Variants in GALNTL6 observed in about 807,000 individuals in gnomAD.
The protein encoded by GALNTL6 is polypeptide N-acetylgalactosaminyltransferase-like 6.
Under a neutral mutation model 73.7 loss-of-function variants are expected in GALNTL6, and 46 were observed. The observed-to-expected ratio is 0.62, with a 90% CI of 0.49 to 0.80. The LOEUF (loss-of-function observed/expected upper bound fraction) is 0.80. Among genes scored for constraint, GALNTL6 ranks in the 30% least tolerant of loss-of-function variants. GALNTL6 has a pLI of 0.00. For synonymous variants in GALNTL6, 259 were observed against 263.7 expected, an observed-to-expected ratio of 0.98 and a Z score of 0.17; for missense variants, 604 against 755.0, an observed-to-expected ratio of 0.80 and a Z score of 2.34.
intron 2 of GALNTL6, among the ~76,000 whole-genome samples, chr4:171,889,563 C>T (rs1736702777): frequency 6.6e-6 from 1 of 152,066 alleles, no homozygotes; most frequent in African/African-American, 2.4e-5. Context: ...CTGAAGATTA[C>T]TCAGTTACTT....
chr4:172,996,721 G>A (rs934181496), intron 10 of GALNTL6, among the ~76,000 whole-genome samples: 8 of 152,140 alleles, frequency 5.3e-5, no homozygotes, highest in South Asian at 2.1e-4. Flanking sequence ...CTTGCACTCA[G>A]GCAGAACCAA....
At chr4:172,109,009 T>A (rs1407236022) in intron 2 of GALNTL6, among the ~76,000 whole-genome samples, 2 of 100,960 alleles carry the variant, frequency 2.0e-5, no homozygotes, top group African/African-American at 3.8e-5. Flanking sequence ...TGAGACTCCA[T>A]CTCCAAAAAA....
intron 5 of GALNTL6, among the ~76,000 whole-genome samples, chr4:172,697,603 T>C (rs1733772953): frequency 6.6e-6 from 1 of 152,120 alleles, no homozygotes; most frequent in Non-Finnish European, 1.5e-5. Flanking sequence ...AAGAAAATAA[T>C]GTTCACTGGA....
intron 2 of GALNTL6, among the ~76,000 whole-genome samples, chr4:172,130,122 T>C (rs905770327): frequency 2.0e-5 from 3 of 151,458 alleles, no homozygotes; most frequent in Non-Finnish European, 4.4e-5. Flanking sequence ...CAAGGATCAA[T>C]AGCAAGGTGG....
chr4:172,670,407 A>G (rs1560869425), intron 5 of GALNTL6, among the ~76,000 whole-genome samples: 1 of 152,002 alleles, frequency 6.6e-6, no homozygotes, highest in African/African-American at 2.4e-5. Flanking sequence ...GATCAGTAAT[A>G]TTGAATTTTT....
chr4:172,591,333 C>T (rs1174259722), intron 5 of GALNTL6, among the ~76,000 whole-genome samples: 1 of 152,100 alleles, frequency 6.6e-6, no homozygotes, highest in African/African-American at 2.4e-5. Context: ...ATGGATATTT[C>T]ATACAATCCG....
At chr4:172,766,344 A>T (rs1029220527) in intron 5 of GALNTL6, among the ~76,000 whole-genome samples, 1 of 152,128 alleles carries the variant, frequency 6.6e-6, no homozygotes, top group Non-Finnish European at 1.5e-5. Flanking sequence ...TATTTCACTT[A>T]TTTGAAGTAT....
chr4:172,169,985 T>C (rs1057057173), intron 2 of GALNTL6, among the ~76,000 whole-genome samples: 1 of 152,126 alleles, frequency 6.6e-6, no homozygotes, highest in African/African-American at 2.4e-5. Context: ...AGAGTTGGAG[T>C]TGATAAGTAC....
intron 12 of GALNTL6, among the ~76,000 whole-genome samples, chr4:173,022,045 AG>A (rs1753015668): frequency 9.4e-6 from 1 of 106,618 alleles, no homozygotes; most frequent in Non-Finnish European, 2.1e-5. Context: ...GAAGGAAGGA[AG>A]GAAGGAAGGA....
intron 2 of GALNTL6, among the ~76,000 whole-genome samples, chr4:172,095,371 C>T (rs538744273): frequency 9.2e-5 from 14 of 151,730 alleles, no homozygotes; most frequent in East Asian, 3.9e-4. Flanking sequence ...TGAGTAAGCG[C>T]GTGTACGAAG....
At chr4:171,823,593 A>G (rs1734741020) in intron 2 of GALNTL6, among the ~76,000 whole-genome samples, 1 of 18,488 alleles carries the variant, frequency 5.4e-5, no homozygotes, top group Non-Finnish European at 3.4e-4. Context: ...ACACACACAT[A>G]TATATATATA....
In GALNTL6 at chr4:172,273,062, C is replaced by G. The variant is rs565424623; in HGVS notation, c.248-38552C>G. Among the ~76,000 whole-genome samples, 805 of 152,008 alleles carry G rather than the reference C, an allele frequency of 5.3e-3. 6 individuals carry two copies. The highest frequency in any genetic ancestry group is 0.022 in the South Asian group (105 of 4,820). ...TATTCTTTATTTAAAAAATGAATAA[C>G]ATAGATCCCTCTAAGAAACTGTTTA... On this transcript the variant is annotated intron_variant, in intron 3 of 12. Transcript: ENST00000506823.
At chr4:172,553,322 T>C (rs1736031345) in intron 5 of GALNTL6, among the ~76,000 whole-genome samples, 1 of 152,166 alleles carries the variant, frequency 6.6e-6, no homozygotes, top group Non-Finnish European at 1.5e-5. Flanking sequence ...TTTCTGGACA[T>C]TTCCAGGAAA....
At chr4:172,127,729 T>TTATACAAAC (rs1733341635) in intron 2 of GALNTL6, among the ~76,000 whole-genome samples, 1 of 152,214 alleles carries the variant, frequency 6.6e-6, no homozygotes, top group Non-Finnish European at 1.5e-5. Context: ...TATCGAAGTG[T>TTATACAAAC]TATACAAACA....
intron 7 of GALNTL6, among the ~76,000 whole-genome samples, chr4:172,879,093 A>C (rs893636101): frequency 2.0e-5 from 3 of 151,826 alleles, no homozygotes; most frequent in Non-Finnish European, 3.0e-5. Context: ...CTGAACATTT[A>C]TGCACCTATT....
At chr4:172,769,440 G>A (rs920723519) in intron 5 of GALNTL6, among the ~76,000 whole-genome samples, 2 of 152,144 alleles carry the variant, frequency 1.3e-5, no homozygotes, top group African/African-American at 4.8e-5. Flanking sequence ...ACTGCCACAA[G>A]CATTTAAGCC....
chr4:172,767,873 T>C (rs1340559084), intron 5 of GALNTL6, among the ~76,000 whole-genome samples: 1 of 152,044 alleles, frequency 6.6e-6, no homozygotes, highest in Non-Finnish European at 1.5e-5. Flanking sequence ...TTTCACCATG[T>C]TGAACAGGAT....
At chr4:172,761,655 C>T (rs900527881) in intron 5 of GALNTL6, among the ~76,000 whole-genome samples, 3 of 135,804 alleles carry the variant, frequency 2.2e-5, no homozygotes, top group South Asian at 2.5e-4. Context: ...GTGAGAGCTT[C>T]GCCCTTGCTC....
intron 5 of GALNTL6, among the ~76,000 whole-genome samples, chr4:172,760,801 G>T (rs1195611527): frequency 6.6e-6 from 1 of 152,172 alleles, no homozygotes; most frequent in African/African-American, 2.4e-5. Flanking sequence ...CTGACCAGCA[G>T]GGGATAGGAG....
Sources: allele counts gnomAD v4.1 joint callset (sites outside exome capture counted in the v4.1 genomes callset), GRCh38; gene constraint gnomAD v4.1.1; transcripts MANE v1.5; gene names NCBI Gene and HGNC (gene_info 2026-07-23, HGNC 2026-07-21).